The following TIAM2 variants were observed in gnomAD, a reference collection of about 807,000 sequenced individuals.
TIAM2 encodes TIAM Rac1 associated GEF 2, also known as rho guanine nucleotide exchange factor TIAM2.
A neutral mutation model predicts 152.9 loss-of-function variants in TIAM2; 80 were observed. The ratio of observed to expected loss-of-function variants is 0.52; its 90% CI spans 0.44 to 0.63. The LOEUF is 0.63. Among genes scored for constraint, TIAM2 ranks in the 30% least tolerant of loss-of-function variants. The pLI is 0.00. For missense variants in TIAM2, 1,965 were observed against 2,120.1 expected, an observed-to-expected ratio of 0.93 and a Z score of 1.44; for synonymous variants, 804 against 838.0, an observed-to-expected ratio of 0.96 and a Z score of 0.70.
At position 155,188,204 on chromosome 6, in the gene TIAM2, C is replaced by T. The variant is rs1781102775; in HGVS notation, c.3064+4704C>T. On this transcript the variant is annotated intron_variant, in intron 14 of 26. Coordinates refer to ENST00000682666, the MANE Select transcript of TIAM2 (RefSeq NM_012454.4). ...CTCGTGCGCTCAGAATGCAGGCAGTCGACTCTTAGCTCACCTCGTTTATTG... is the reference window on the plus strand; with the variant it reads ...CTCGTGCGCTCAGAATGCAGGCAGTTGACTCTTAGCTCACCTCGTTTATTG... Among the ~76,000 whole-genome samples the T allele has an allele frequency of 2.6e-5, 4 of 152,172 alleles. No individual in the cohort carries two copies. In the South Asian group the frequency reaches 6.2e-4, roughly 24 times the overall value.
At chr6:155,139,965 C>T (rs566011244) in intron 5 of TIAM2, among the ~76,000 whole-genome samples, 1 of 151,832 alleles carries the variant, frequency 6.6e-6, no homozygotes, top group African/African-American at 2.4e-5. Flanking sequence ...ACAAACAAAC[C>T]AAAACAAGTA....
At position 155,153,334 on chromosome 6, in the gene TIAM2, C is replaced by T. The variant is rs143293731; in HGVS notation, c.2028+5000C>T. 9.1e-4 allele frequency among the ~76,000 whole-genome samples: 139 copies of T among 152,024 alleles called. 1 individual carries two copies. The highest frequency in any genetic ancestry group is 3.4e-3 in the Middle Eastern group (1 of 294). ...GATTTTAGAAATTCTTGTCCAGGCACGGTGACTCACACCTGTAATCCCAGT... is the reference window on the plus strand; with the variant it reads ...GATTTTAGAAATTCTTGTCCAGGCATGGTGACTCACACCTGTAATCCCAGT... On this transcript the variant is annotated intron_variant, in intron 7 of 26. Coordinates refer to ENST00000682666, the MANE Select transcript of TIAM2 (RefSeq NM_012454.4).
intron 1 of TIAM2, among the ~76,000 whole-genome samples, chr6:155,053,030 G>A (rs1023626765): frequency 2.0e-5 from 3 of 152,102 alleles, no homozygotes; most frequent in African/African-American, 2.4e-5. Context: ...TTAAAGCAAC[G>A]TGCAGGGTAT....
At chr6:155,085,072 A>T (rs1778147448) in intron 1 of TIAM2, among the ~76,000 whole-genome samples, 1 of 152,170 alleles carries the variant, frequency 6.6e-6, no homozygotes, top group Non-Finnish European at 1.5e-5. Flanking sequence ...CCTGGGTCAC[A>T]GGAGGGGTTA....
chr6:155,098,910 G>A (rs185554178), intron 2 of TIAM2, among the ~76,000 whole-genome samples: 10 of 152,308 alleles, frequency 6.6e-5, no homozygotes, highest in African/African-American at 2.2e-4. Flanking sequence ...CCATAAGGCC[G>A]GGTGCAGTGG....
At chr6:155,121,217 T>C (rs541528033) in intron 2 of TIAM2, among the ~76,000 whole-genome samples, 33 of 152,210 alleles carry the variant, frequency 2.2e-4, no homozygotes, top group African/African-American at 7.5e-4. Context: ...TTAATAATAC[T>C]TTGTGTTGCA....
chr6:155,124,112 C>G (rs1037981331), intron 2 of TIAM2, among the ~76,000 whole-genome samples: 1 of 151,492 alleles, frequency 6.6e-6, no homozygotes, highest in African/African-American at 2.4e-5. Flanking sequence ...CTCTGCCTCC[C>G]GATTCAAGCA....
intron 15 of TIAM2, among the ~76,000 whole-genome samples, chr6:155,220,717 T>A (rs959994040): frequency 1.1e-4 from 16 of 152,116 alleles, no homozygotes; most frequent in Non-Finnish European, 2.1e-4. Context: ...AAAGAAGACA[T>A]CGTTTTAAAC....
intron 2 of TIAM2, among the ~76,000 whole-genome samples, chr6:155,104,363 C>G (rs1461471759): frequency 6.6e-6 from 1 of 152,118 alleles, no homozygotes; most frequent in Non-Finnish European, 1.5e-5. Flanking sequence ...CTGCGCTTCT[C>G]CCCTGACCCC....
chr6:155,217,370 G>A lies in TIAM2; in HGVS notation c.3168+6063G>A, dbSNP rs568192474. ...TTCCAAAATCTTTAACTTCATCTCCGAAATAGTTCTTTCTTTTTGAAATAT... is the reference window on the plus strand; with the variant it reads ...TTCCAAAATCTTTAACTTCATCTCCAAAATAGTTCTTTCTTTTTGAAATAT... On this transcript the variant is annotated intron_variant, in intron 15 of 26. Transcript: ENST00000682666. 1.8e-3 allele frequency among the ~76,000 whole-genome samples: 276 copies of A among 152,230 alleles called. 1 individual carries two copies. Among genetic ancestry groups the A allele is most frequent in the Non-Finnish European group, 3.4e-3 (231 of 68,012 alleles).
Position 155,257,619 on chromosome 6 carries a change from ATAAC to A in TIAM2, c.*501_*504del, listed in dbSNP as rs375747161. The A allele has an allele frequency of 7.2e-6, 4 of 551,954 alleles. No homozygotes were observed. Among genetic ancestry groups the A allele is most frequent in the African/African-American group, 1.9e-5 (1 of 53,078 alleles). The allele number at this position is 551,954 out of a possible 1,614,324, so 34.2% of individuals were successfully genotyped here. ...AGATGCTGTTTATACTAAACATGTC[ATAAC>A]TATCTATACAGTATATATTAAAAGA... On this transcript the variant is annotated 3_prime_UTR_variant, in exon 27 of 27. Coordinates refer to ENST00000682666, the MANE Select transcript of TIAM2 (RefSeq NM_012454.4).
chr6:155,246,323 G>A (rs1292760283), intron 19 of TIAM2, among the ~76,000 whole-genome samples: 5 of 152,024 alleles, frequency 3.3e-5, no homozygotes, highest in Non-Finnish European at 5.9e-5. Flanking sequence ...AATCCAGAAC[G>A]TCATGATATC....
intron 2 of TIAM2, among the ~76,000 whole-genome samples, chr6:155,099,485 G>C (rs1026377215): frequency 6.6e-6 from 1 of 152,000 alleles, no homozygotes; most frequent in Non-Finnish European, 1.5e-5. Flanking sequence ...AATTTATCTT[G>C]TTCTTCATTT....
intron 1 of TIAM2, among the ~76,000 whole-genome samples, chr6:155,038,711 T>C (rs1463202651): frequency 6.6e-6 from 1 of 152,132 alleles, no homozygotes; most frequent in Non-Finnish European, 1.5e-5. Flanking sequence ...GGCAGGAGAA[T>C]TGCTTGAGGC....
intron 7 of TIAM2, among the ~76,000 whole-genome samples, chr6:155,158,499 G>A (rs1413917323): frequency 1.3e-5 from 2 of 151,638 alleles, no homozygotes; most frequent in African/African-American, 2.4e-5. Flanking sequence ...TCTTTTTTAT[G>A]TTTTGAGCAT....
chr6:155,222,924 T>C (rs553872852), intron 15 of TIAM2, among the ~76,000 whole-genome samples: 15 of 152,316 alleles, frequency 9.8e-5, no homozygotes, highest in East Asian at 7.7e-4. Flanking sequence ...ATGCATTTCA[T>C]TGAAGCTAAA....
At chr6:155,236,967 A>G (rs1272874698) in intron 15 of TIAM2, among the ~76,000 whole-genome samples, 1 of 152,162 alleles carries the variant, frequency 6.6e-6, no homozygotes, top group Non-Finnish European at 1.5e-5. Context: ...AAAACCAATC[A>G]TGCCTTCCCA....
At chr6:155,037,141 C>T (rs893371596) in intron 1 of TIAM2, among the ~76,000 whole-genome samples, 10 of 152,144 alleles carry the variant, frequency 6.6e-5, no homozygotes, top group Admixed American at 6.5e-4. Context: ...GCTCTGATTC[C>T]GTTCTTTTCT....
At chr6:155,074,865 A>C (rs186117080) in intron 1 of TIAM2, among the ~76,000 whole-genome samples, 43 of 151,438 alleles carry the variant, frequency 2.8e-4, no homozygotes, top group African/African-American at 6.8e-4. Flanking sequence ...AAAAAAAAAA[A>C]AAAAAAAAAA....
Sources: gnomAD v4.1 joint callset for allele counts (sites outside exome capture counted in the v4.1 genomes callset) on GRCh38, gnomAD v4.1.1 for gene constraint, MANE v1.5 for transcripts, NCBI Gene and HGNC (gene_info 2026-07-23, HGNC 2026-07-21) for gene names.